PRKN: variants seen among roughly 807,000 people sequenced by gnomAD.
PRKN encodes the protein E3 ubiquitin-protein ligase parkin.
PRKN carries 56 observed loss-of-function variants against 59.5 expected under a neutral mutation model. That is an observed-to-expected ratio of 0.94 (90% CI 0.76 to 1.18). The LOEUF (loss-of-function observed/expected upper bound fraction) is 1.18, where lower values mean the gene tolerates loss of function less well. Among genes scored for constraint, PRKN ranks in the 50% most tolerant of loss-of-function variants. The probability of loss-of-function intolerance (pLI) is 0.00; values close to 1 mark genes in which losing one functional copy is unlikely to be tolerated. For missense variants in PRKN, 657 were observed against 596.4 expected, an observed-to-expected ratio of 1.10 and a Z score of -1.06; for synonymous variants, 250 against 222.1, an observed-to-expected ratio of 1.13 and a Z score of -1.12.
chr6:162,694,236 C>CAAAAAAAAA (rs149337714), intron 1 of PRKN, among the ~76,000 whole-genome samples: 9 of 93,510 alleles, frequency 9.6e-5, no homozygotes, highest in African/African-American at 1.3e-4. Context: ...AACAGTGAGA[C>CAAAAAAAAA]AAAAAAAAAA....
intron 2 of PRKN, among the ~76,000 whole-genome samples, chr6:162,401,919 G>A (rs1483324785): frequency 6.6e-6 from 1 of 152,090 alleles, no homozygotes; most frequent in Admixed American, 6.6e-5. Flanking sequence ...TTTTTAACCA[G>A]CTTTAAGCAA....
At position 161,467,753 on chromosome 6, in the gene PRKN, A is replaced by G. The variant is rs1389248759; in HGVS notation, c.1084-80876T>C. Among the ~76,000 whole-genome samples the G allele has an allele frequency of 6.6e-6, 1 of 152,080 alleles. No individual in the cohort carries two copies. Among genetic ancestry groups the G allele is most frequent in the Non-Finnish European group, 1.5e-5 (1 of 68,026 alleles). ...CCAACTATGTGCCCAGCAAAATTCT[A>G]CTTTTCCAGCCTTGCTTGCATTAGG... On this transcript the variant is annotated intron_variant, in intron 9 of 11. Coordinates refer to ENST00000366898, the MANE Select transcript of PRKN (RefSeq NM_004562.3). This position sits in a 1 kb window ranked among gnomAD's most constrained non-coding sequence, Gnocchi z 4.3.
At chr6:162,163,933 G>T (rs1782869418) in intron 4 of PRKN, among the ~76,000 whole-genome samples, 1 of 149,004 alleles carries the variant, frequency 6.7e-6, no homozygotes, top group East Asian at 1.9e-4. Flanking sequence ...TAGAAGAATA[G>T]CCCTGCTCGG....
At chr6:161,394,638 CCACT>C (rs1190846591) in intron 9 of PRKN, among the ~76,000 whole-genome samples, 1 of 152,154 alleles carries the variant, frequency 6.6e-6, no homozygotes, top group Non-Finnish European at 1.5e-5. Context: ...CTGCACTGAC[CCACT>C]CACTATGAGT....
intron 4 of PRKN, among the ~76,000 whole-genome samples, chr6:162,156,320 TCAG>T (rs1782513376): frequency 6.6e-6 from 1 of 152,156 alleles, no homozygotes; most frequent in Admixed American, 6.6e-5. Context: ...GGGGAGCTTA[TCAG>T]GAGAACTGAC....
chr6:161,905,658 A>AT lies in PRKN; in HGVS notation c.734+67643dup, dbSNP rs1181625193. Among the ~76,000 whole-genome samples the AT allele has an allele frequency of 2.7e-3, 408 of 151,756 alleles. 5 individuals carry two copies. Among genetic ancestry groups the AT allele is most frequent in the African/African-American group, 9.1e-3 (378 of 41,354 alleles). The stretch of plus-strand genomic sequence containing the variant: ...TATCTTGGGTTTTATTTATATATAT[A>AT]TTTTTTTAAAGTACATTTTCGGCCG... On this transcript the variant is annotated intron_variant, in intron 6 of 11. Coordinates refer to ENST00000366898, the MANE Select transcript of PRKN (RefSeq NM_004562.3).
chr6:161,426,915 TTCA>T (rs200810606), intron 9 of PRKN, among the ~76,000 whole-genome samples: 19,346 of 151,900 alleles, frequency 0.13, 1,284 homozygotes, highest in Middle Eastern at 0.2. Flanking sequence ...GAGATGGGGT[TTCA>T]TCATGTTAGC....
chr6:161,574,056 C>CA (rs1334913201), intron 7 of PRKN, among the ~76,000 whole-genome samples: 3 of 151,424 alleles, frequency 2.0e-5, no homozygotes, highest in Admixed American at 6.6e-5. Context: ...CTGGTAGGTT[C>CA]AAAAAAACAA....
At chr6:162,637,213 C>T (rs536484270) in intron 1 of PRKN, among the ~76,000 whole-genome samples, 9 of 151,948 alleles carry the variant, frequency 5.9e-5, no homozygotes, top group South Asian at 2.1e-4. Context: ...GCCGAGATCA[C>T]GCCGCTGCAC....
intron 1 of PRKN, among the ~76,000 whole-genome samples, chr6:162,615,534 C>T (rs1277610650): frequency 1.3e-5 from 2 of 152,090 alleles, no homozygotes; most frequent in African/African-American, 4.8e-5. Context: ...CACAGAAGGT[C>T]TCTGATGCAA....
At chr6:162,670,527 T>C (rs1297153791) in intron 1 of PRKN, among the ~76,000 whole-genome samples, 2 of 152,182 alleles carry the variant, frequency 1.3e-5, no homozygotes, top group African/African-American at 2.4e-5. Flanking sequence ...CAGCTCTTTA[T>C]CTATGCTGGC....
chr6:162,309,356 G>T (rs1431169647), intron 2 of PRKN, among the ~76,000 whole-genome samples: 1 of 152,086 alleles, frequency 6.6e-6, no homozygotes, highest in African/African-American at 2.4e-5. Flanking sequence ...GTAGAGATGG[G>T]GTTTTACCAT....
chr6:161,630,516 A>C (rs1005057407), intron 7 of PRKN, among the ~76,000 whole-genome samples: 2 of 152,252 alleles, frequency 1.3e-5, no homozygotes, highest in Non-Finnish European at 2.9e-5. Flanking sequence ...AGCAGAGAGT[A>C]TCTTAAATCT....
intron 1 of PRKN, among the ~76,000 whole-genome samples, chr6:162,720,154 C>T (rs796371995): frequency 1.1e-4 from 16 of 152,198 alleles, no homozygotes; most frequent in African/African-American, 3.6e-4. Flanking sequence ...GAGTAACTGG[C>T]GTATTCAACA....
intron 6 of PRKN, among the ~76,000 whole-genome samples, chr6:161,841,533 A>T (rs923603427): frequency 5.9e-5 from 9 of 151,970 alleles, no homozygotes; most frequent in Non-Finnish European, 1.3e-4. Flanking sequence ...TATTTTTATT[A>T]GAGATGGGGT....
intron 6 of PRKN, among the ~76,000 whole-genome samples, chr6:161,853,985 C>T (rs930228358): frequency 2.6e-5 from 4 of 151,760 alleles, no homozygotes. Context: ...GTGGCTCATG[C>T]CTGTAATCCC....
chr6:162,073,538 A>T (rs113240438), intron 4 of PRKN, among the ~76,000 whole-genome samples: 29 of 151,940 alleles, frequency 1.9e-4, no homozygotes, highest in African/African-American at 5.8e-4. Context: ...TGCAGCCAAA[A>T]CCTCCTGGGC....
At chr6:162,387,329 TA>T (rs1786885621) in intron 2 of PRKN, among the ~76,000 whole-genome samples, 1 of 151,934 alleles carries the variant, frequency 6.6e-6, no homozygotes. Flanking sequence ...AACAAAAGCT[TA>T]TTTTTTTCCT....
At chr6:162,433,434 G>T (rs950059319) in intron 2 of PRKN, among the ~76,000 whole-genome samples, 1 of 152,068 alleles carries the variant, frequency 6.6e-6, no homozygotes. Context: ...CATTCTTGAA[G>T]TTTTGACTTC....
Sources: gnomAD v4.1 joint callset for allele counts (sites outside exome capture counted in the v4.1 genomes callset) on GRCh38, gnomAD v4.1.1 for gene constraint, Gnocchi (gnomAD v3.1) non-coding constraint, MANE v1.5 for transcripts, NCBI Gene and HGNC (gene_info 2026-07-23, HGNC 2026-07-21) for gene names.